DRP2: variants seen among roughly 807,000 people sequenced by gnomAD.
DRP2 encodes the protein dystrophin related protein 2, also known as dystrophin-related protein 2.
DRP2 carries 29 observed loss-of-function variants against 78.2 expected under a neutral mutation model. That is an observed-to-expected ratio of 0.37 (90% CI 0.28 to 0.51). DRP2 has a LOEUF of 0.51. DRP2 is among the 20% of genes least tolerant of loss of function. The pLI is 0.94. For synonymous variants in DRP2, 290 were observed against 281.9 expected (o/e 1.03, Z -0.29); for missense variants, 686 against 770.6 (o/e 0.89, Z 1.30).
intron 2 of DRP2, among the ~76,000 whole-genome samples, chrX:101,228,782 A>C (rs757311642): frequency 9.0e-6 from 1 of 111,174 alleles, no homozygotes; most frequent in East Asian, 2.8e-4. Flanking sequence ...TGTGGTGCAC[A>C]CCTGTAGTCC....
intron 18 of DRP2, 49 bp downstream of exon 18, chrX:101,254,610 G>A (rs1433928474): frequency 3.3e-6 from 4 of 1,204,421 alleles, no homozygotes; most frequent in Admixed American, 2.2e-5. Context: ...CACTGAGCCC[G>A]ATCGTATGCT....
At chrX:101,229,391 C>A (rs1206792364) in intron 2 of DRP2, among the ~76,000 whole-genome samples, 2 of 111,338 alleles carry the variant, frequency 1.8e-5, no homozygotes, top group Admixed American at 1.9e-4. Flanking sequence ...ACTTTGACTA[C>A]AACAAAGTAC....
Position 101,231,662 on chromosome X carries a change from C to T in DRP2, c.15C>T (p.Val5=). The T allele has an allele frequency of 8.3e-7, 1 of 1,210,651 alleles. No individual in the cohort carries two copies. The highest frequency in any genetic ancestry group is 1.1e-6 in the Non-Finnish European group (1 of 894,663). ...CCTTGGTTTTTATGCAACCTATGGT[C>T]ATGCAGGGATGCCCTTACACCCTCC... MQPM[V]MQGCPYTLPR... The change falls in exon 3 of 24, where the codon GTC becomes GTT. Residue 5 remains valine, a synonymous_variant. Coordinates refer to ENST00000395209, the MANE Select transcript of DRP2 (RefSeq NM_001939.3).
At chrX:101,222,014 C>G (rs1921909377) in intron 1 of DRP2, among the ~76,000 whole-genome samples, 1 of 112,018 alleles carries the variant, frequency 8.9e-6, no homozygotes, top group Admixed American at 9.5e-5. Context: ...GAGCCCCATC[C>G]TGAGAGAATG....
intron 4 of DRP2, among the ~76,000 whole-genome samples, chrX:101,236,395 A>G (rs1225379732): frequency 8.9e-6 from 1 of 112,099 alleles, no homozygotes; most frequent in Non-Finnish European, 1.9e-5. Flanking sequence ...GCCGAGGTAT[A>G]AATGAAGGGG....
At chrX:101,227,015 C>T (rs1437952693) in intron 2 of DRP2, among the ~76,000 whole-genome samples, 3 of 111,961 alleles carry the variant, frequency 2.7e-5, no homozygotes, top group Non-Finnish European at 5.6e-5. Flanking sequence ...CAAGATGGCA[C>T]GGAGTATCAC....
Position 101,260,625 on chromosome X carries a change from A to G in DRP2, c.*4A>G. ...CAACACCCTGCTGGCCTCTTGATGG[A>G]GCCAGATCCCCATCCTATAGTTCAT... On this transcript the variant is annotated 3_prime_UTR_variant, in exon 24 of 24. Transcript: ENST00000395209. 8.3e-7 allele frequency: 1 copy of G among 1,206,783 alleles called. No homozygotes were observed. The highest frequency in any genetic ancestry group is 1.1e-6 in the Non-Finnish European group (1 of 893,477).
rs768342035 is a variant in DRP2, at chrX:101,262,128, A to G, written c.*1507A>G. 2 of 112,175 alleles carry G rather than the reference A, an allele frequency of 1.8e-5. No homozygotes were observed. Among genetic ancestry groups the G allele is most frequent in the South Asian group, 3.7e-4 (1 of 2,677 alleles). The allele number at this position is 112,175 out of a possible 1,213,427, so 9.2% of individuals were successfully genotyped here. A position where few individuals can be genotyped will look rare whatever the true frequency, so the allele number is the denominator to read the frequency against. ...TTAGCCCCAGCCTCTGGTTGGAAAG[A>G]TAGATGTATCCTGGCTGTTCCCCTA... On this transcript the variant is annotated 3_prime_UTR_variant, in exon 24 of 24. Transcript: ENST00000395209.
chrX:101,236,366 G>A (rs1489485263), intron 4 of DRP2, among the ~76,000 whole-genome samples: 1 of 112,227 alleles, frequency 8.9e-6, no homozygotes, highest in Non-Finnish European at 1.9e-5. Flanking sequence ...ATGTGGAAAT[G>A]CTTTCTAAAC....
Position 101,245,391 on chromosome X carries a change from C to A in DRP2, c.1119C>A (p.His373Gln). ...CTATTGATGCTATTGTTTGTAGCCACCAGGCTCAGACCACATGCTGGGACC... is the reference window on the plus strand; with the variant it reads ...CTATTGATGCTATTGTTTGTAGCCAACAGGCTCAGACCACATGCTGGGACC... ...SPNKVPYYINHQAQTTCWDHP... is the reference protein window; with the variant it reads ...SPNKVPYYINQQAQTTCWDHP... The change falls in exon 11 of 24, where the codon CAC becomes CAA. Residue 373 changes from histidine (H) to glutamine (Q), a missense_variant. Physicochemically the swap from His to Gln is conservative, Grantham distance 24 (BLOSUM62 0). Around this residue, in one of 2 missense-constraint regions of DRP2, gnomAD observed 423 missense variants for 531.5 expected, o/e 0.80. Transcript: ENST00000395209. 1 of 1,203,472 alleles carries A rather than the reference C, an allele frequency of 8.3e-7. No individual in the cohort carries two copies. Among genetic ancestry groups the A allele is most frequent in the Non-Finnish European group, 1.1e-6 (1 of 891,031 alleles).
intron 12 of DRP2, among the ~76,000 whole-genome samples, chrX:101,247,836 C>T (rs1246166149): frequency 8.9e-6 from 1 of 112,276 alleles, no homozygotes; most frequent in African/African-American, 3.2e-5. Context: ...ACTCATGTCC[C>T]ATCATCTTTT....
intron 8 of DRP2, 144 bp from the exon 9 acceptor site, chrX:101,242,760 T>A (rs1456963188): frequency 1.7e-6 from 1 of 604,348 alleles, no homozygotes; most frequent in Non-Finnish European, 2.6e-6. Flanking sequence ...GGGGGATGGC[T>A]AGGAGTTGGG....
rs778011942 is a variant in DRP2 at position 101,241,677 on chromosome X, C to T, written c.569C>T (p.Pro190Leu). 1.3e-5 allele frequency: 16 copies of T among 1,210,995 alleles called. No individual in the cohort carries two copies. The highest frequency in any genetic ancestry group is 1.7e-5 in the Non-Finnish European group (15 of 895,049). ...EPHSESKDTS[P>L]KQRIQNLSRF... Reference sequence around the variant, plus strand: ...CTGCCTCCTCTTGCAGATACCTCCCCGAAACAGCGGATCCAGAATCTCAGC... The same window carrying T: ...CTGCCTCCTCTTGCAGATACCTCCCTGAAACAGCGGATCCAGAATCTCAGC... The change falls in exon 7 of 24, where the codon CCG (proline) becomes CTG (leucine). Residue 190 changes from proline to leucine, a missense_variant. By Grantham distance (98) the Pro-to-Leu change is moderately conservative. Coordinates refer to ENST00000395209, the MANE Select transcript of DRP2 (RefSeq NM_001939.3).
rs751961681 is a variant in DRP2, at chrX:101,250,912, C to T, written c.1699-5C>T. On this transcript the variant is annotated splice_polypyrimidine_tract_variant and splice_region_variant and intron_variant, in intron 15 of 23. Coordinates refer to ENST00000395209, the MANE Select transcript of DRP2 (RefSeq NM_001939.3). ...TCATTCCCATTGGTCTTCTTGTTTC[C>T]GTAGAGCACCGGGAAGCCAGTCATT... 31 of 1,209,219 alleles carry T rather than the reference C, an allele frequency of 2.6e-5. No homozygotes were observed. Among genetic ancestry groups the T allele is most frequent in the African/African-American group, 3.5e-5 (2 of 57,581 alleles).
At chrX:101,220,526 A>G (rs1408472417) in intron 1 of DRP2, among the ~76,000 whole-genome samples, 1 of 110,658 alleles carries the variant, frequency 9.0e-6, no homozygotes, top group African/African-American at 3.3e-5. Flanking sequence ...AGGGGCATTT[A>G]TTTATTTTAG....
In DRP2 at chrX:101,241,632, G is replaced by C; in HGVS notation, c.560-36G>C. On this transcript the variant is annotated intron_variant, in intron 6 of 23. Coordinates refer to ENST00000395209, the MANE Select transcript of DRP2 (RefSeq NM_001939.3). ...CTCTTTCTTTGAGCTGACCCTGCCT[G>C]GTTGGCCTAACCTGGCTTCCTGCCT... is the stretch of plus-strand genomic sequence containing the variant. The C allele has an allele frequency of 4.2e-6, 5 of 1,202,763 alleles. No homozygotes were observed. In the South Asian group the frequency reaches 5.4e-5, roughly 13 times the overall value.
chrX:101,224,191 G>GTTTTTTTTTTTTTT lies in DRP2; in HGVS notation c.-166-396_-166-383dup, dbSNP rs1167730116. 1.7e-3 allele frequency among the ~76,000 whole-genome samples: 67 copies of GTTTTTTTTTTTTTT among 38,870 alleles called. 3 individuals are homozygous for GTTTTTTTTTTTTTT. Among genetic ancestry groups the GTTTTTTTTTTTTTT allele is most frequent in the African/African-American group, 2.2e-3 (17 of 7,898 alleles). The allele number at this position is 38,870 out of a possible 115,157, so 33.8% of individuals were successfully genotyped here. A position where few individuals can be genotyped will look rare whatever the true frequency, so the allele number is the denominator to read the frequency against. On this transcript the variant is annotated intron_variant, in intron 1 of 23. Transcript: ENST00000395209. Reference sequence around the variant, plus strand: ...AATAAATGTTTGCTGGGTTTTTTTTGTTTTTTTTTTTTTTTTTTTTTTTTT... The same window carrying GTTTTTTTTTTTTTT: ...AATAAATGTTTGCTGGGTTTTTTTTGTTTTTTTTTTTTTTTTTTTTTTTTTTTTTTTTTTTTTTT...
In DRP2 at chrX:101,263,405, G is replaced by A. The variant is rs1323417663; in HGVS notation, c.*2784G>A. On this transcript the variant is annotated 3_prime_UTR_variant, in exon 24 of 24. Transcript: ENST00000395209. Reference sequence around the variant, plus strand: ...AGAAAACCTTCTGACTGTGGGATTAGCATCAATGATAAGGAATGTGAGCAT... The same window carrying A: ...AGAAAACCTTCTGACTGTGGGATTAACATCAATGATAAGGAATGTGAGCAT... 1.8e-5 allele frequency: 2 copies of A among 112,426 alleles called. No individual in the cohort carries two copies. Among genetic ancestry groups the A allele is most frequent in the African/African-American group, 6.5e-5 (2 of 30,915 alleles). The allele number at this position is 112,426 out of a possible 1,213,427, so 9.3% of individuals were successfully genotyped here.
chrX:101,231,766 T>G lies in DRP2; in HGVS notation c.117+2T>G, dbSNP rs187654468. ...CGAAGCACCTGCCCCCACCCTCAGG[T>G]AAGAGTCTGATAGTGAAAGAAAGAC... On this transcript the variant is annotated splice_donor_variant, in intron 3 of 23. Coordinates refer to ENST00000395209, the MANE Select transcript of DRP2 (RefSeq NM_001939.3). LOFTEE classifies it high-confidence loss of function. 8.4e-7 allele frequency: 1 copy of G among 1,196,340 alleles called. No individual in the cohort carries two copies. Among genetic ancestry groups the G allele is most frequent in the Non-Finnish European group, 1.1e-6 (1 of 884,992 alleles).
Sources: gnomAD v4.1 joint callset for allele counts (sites outside exome capture counted in the v4.1 genomes callset) on GRCh38, gnomAD v4.1.1 for gene constraint, gnomAD v4.1.1 regional missense constraint, MANE v1.5 for transcripts, NCBI Gene and HGNC (gene_info 2026-07-23, HGNC 2026-07-21) for gene names.